TMEM132C: variants seen among roughly 807,000 people sequenced by gnomAD.
TMEM132C encodes the protein transmembrane protein 132C, also known as protein phosphatase 1, regulatory subunit 152.
Under a neutral mutation model 61.4 loss-of-function variants are expected in TMEM132C, and 29 were observed. The observed-to-expected ratio is 0.47, with a 90% CI of 0.35 to 0.64. The LOEUF (loss-of-function observed/expected upper bound fraction) is 0.64. TMEM132C is among the 30% of genes least tolerant of loss of function. The pLI is 0.00. For missense variants in TMEM132C, 1,408 were observed against 1,476.9 expected, an observed-to-expected ratio of 0.95 and a Z score of 0.76; for synonymous variants, 656 against 633.1, an observed-to-expected ratio of 1.04 and a Z score of -0.54.
intron 1 of TMEM132C, among the ~76,000 whole-genome samples, chr12:128,364,772 C>T (rs1394787767): frequency 6.6e-6 from 1 of 152,162 alleles, no homozygotes; most frequent in East Asian, 1.9e-4. Context: ...GTGGTGGCCT[C>T]TAAGGGGCTC....
At chr12:128,406,147 A>G (rs1484444111) in intron 1 of TMEM132C, among the ~76,000 whole-genome samples, 1 of 152,224 alleles carries the variant, frequency 6.6e-6, no homozygotes, top group Non-Finnish European at 1.5e-5. Context: ...CAGAATGTCC[A>G]TGGACATTGG....
rs1875604936 is a variant in TMEM132C, at chr12:128,587,826, G to A, written c.1122-28326G>A. Among the ~76,000 whole-genome samples, 3 of 152,210 alleles carry A rather than the reference G, an allele frequency of 2.0e-5. No homozygotes were observed. In the South Asian group the frequency reaches 6.2e-4, roughly 31 times the overall value. On this transcript the variant is annotated intron_variant, in intron 3 of 8. Coordinates refer to ENST00000435159, the MANE Select transcript of TMEM132C (RefSeq NM_001136103.3). ...ATGTGTGTAAGTTTGAGGAAAAAAAGTGAGTCGATTTACAGAGAAAACACA... is the reference window on the plus strand; with the variant it reads ...ATGTGTGTAAGTTTGAGGAAAAAAAATGAGTCGATTTACAGAGAAAACACA...
At chr12:128,580,591 A>G (rs1352223015) in intron 3 of TMEM132C, among the ~76,000 whole-genome samples, 1 of 152,202 alleles carries the variant, frequency 6.6e-6, no homozygotes, top group African/African-American at 2.4e-5. Context: ...TTTTCACTCC[A>G]TGCAGTGATT....
At chr12:128,380,687 A>G (rs369004967) in intron 1 of TMEM132C, among the ~76,000 whole-genome samples, 14 of 152,158 alleles carry the variant, frequency 9.2e-5, no homozygotes, top group Admixed American at 8.5e-4. Flanking sequence ...AGGCAAGAGG[A>G]TGGCTTTGAG....
intron 2 of TMEM132C, among the ~76,000 whole-genome samples, chr12:128,453,323 A>G (rs1416912903): frequency 6.6e-6 from 1 of 152,168 alleles, no homozygotes; most frequent in East Asian, 1.9e-4. Flanking sequence ...TGCAGCTGCA[A>G]TCTAAGGTGA....
chr12:128,325,800 C>G (rs1035216761), intron 1 of TMEM132C, among the ~76,000 whole-genome samples: 6 of 152,120 alleles, frequency 3.9e-5, no homozygotes, highest in Non-Finnish European at 5.9e-5. Flanking sequence ...CTGGAAGGAT[C>G]ACCAGCAACC....
chr12:128,507,398 C>CTTTTTTTTTTT (rs1872404501), intron 2 of TMEM132C, among the ~76,000 whole-genome samples: 1 of 106,544 alleles, frequency 9.4e-6, no homozygotes, highest in Non-Finnish European at 1.9e-5. Context: ...TTTTTTTTTT[C>CTTTTTTTTTTT]TTTCTTTTTT....
intron 1 of TMEM132C, among the ~76,000 whole-genome samples, chr12:128,315,511 C>T (rs1031513581): frequency 2.0e-5 from 3 of 151,998 alleles, no homozygotes; most frequent in Admixed American, 2.0e-4. Flanking sequence ...TTTCTACTCA[C>T]CAAATCCACC....
intron 5 of TMEM132C, among the ~76,000 whole-genome samples, chr12:128,673,236 C>T (rs917128121): frequency 3.9e-5 from 6 of 152,264 alleles, no homozygotes; most frequent in East Asian, 3.9e-4. Context: ...TGGAGCCCCA[C>T]GATGGCAGTA....
At chr12:128,624,734 G>T (rs145253651) in intron 4 of TMEM132C, among the ~76,000 whole-genome samples, 2 of 152,112 alleles carry the variant, frequency 1.3e-5, no homozygotes, top group African/African-American at 4.8e-5. Context: ...AAAGTATTCA[G>T]ATATTATTTG....
rs1373951367 is a variant in TMEM132C, at chr12:128,521,317, ATATGTG to A, written c.975-22638_975-22633del. ...CTTCTGTATATATGTGTATATATATATATGTGTGTGTGTGTGTGTGTGTGTGTGTAT... is the reference window on the plus strand; with the variant it reads ...CTTCTGTATATATGTGTATATATATATGTGTGTGTGTGTGTGTGTGTGTAT... On this transcript the variant is annotated intron_variant, in intron 2 of 8. Transcript: ENST00000435159. Among the ~76,000 whole-genome samples the A allele has an allele frequency of 3.2e-3, 462 of 146,066 alleles. 4 individuals are homozygous for A. The highest frequency in any genetic ancestry group is 6.9e-3 in the Middle Eastern group (2 of 288).
chr12:128,665,859 A>ACACG (rs200802847), intron 4 of TMEM132C, among the ~76,000 whole-genome samples: 5 of 144,918 alleles, frequency 3.5e-5, no homozygotes, highest in South Asian at 2.2e-4. Flanking sequence ...ACACACACAC[A>ACACG]TACACACAGG....
chr12:128,583,654 G>A (rs1367930853), intron 3 of TMEM132C, among the ~76,000 whole-genome samples: 1 of 152,164 alleles, frequency 6.6e-6, no homozygotes, highest in Non-Finnish European at 1.5e-5. Flanking sequence ...GGACAGGAGG[G>A]GAACTACTGC....
chr12:128,387,074 G>A (rs552741825), intron 1 of TMEM132C, among the ~76,000 whole-genome samples: 4 of 150,064 alleles, frequency 2.7e-5, no homozygotes, highest in South Asian at 4.2e-4. Context: ...CTAGGAGTTC[G>A]AGGCTGCAGT....
At chr12:128,395,890 C>A (rs374719796) in intron 1 of TMEM132C, among the ~76,000 whole-genome samples, 1 of 152,012 alleles carries the variant, frequency 6.6e-6, no homozygotes, top group Non-Finnish European at 1.5e-5. Context: ...ACTGAGTTAC[C>A]GGAGTCAATA....
intron 4 of TMEM132C, among the ~76,000 whole-genome samples, chr12:128,628,595 G>A (rs1954039797): frequency 6.6e-6 from 1 of 151,986 alleles, no homozygotes; most frequent in Admixed American, 6.5e-5. Context: ...TTCCCCAGTG[G>A]GGTGTCAGCT....
chr12:128,604,343 G>A (rs1335860012), intron 3 of TMEM132C, among the ~76,000 whole-genome samples: 2 of 151,856 alleles, frequency 1.3e-5, no homozygotes, highest in African/African-American at 2.4e-5. Context: ...TAGAAAGATG[G>A]ATGGATAGAT....
intron 5 of TMEM132C, among the ~76,000 whole-genome samples, chr12:128,680,034 C>G (rs556437159): frequency 4.6e-5 from 7 of 152,148 alleles, no homozygotes; most frequent in African/African-American, 1.7e-4. Context: ...GTCCAAGGAA[C>G]AAAAGAACAG....
chr12:128,472,080 C>A (rs1870971233), intron 2 of TMEM132C, among the ~76,000 whole-genome samples: 1 of 152,146 alleles, frequency 6.6e-6, no homozygotes, highest in Admixed American at 6.5e-5. Context: ...AAGAGACCTG[C>A]AGGTAAGTCC....
Sources: gnomAD v4.1 joint callset for allele counts (sites outside exome capture counted in the v4.1 genomes callset) on GRCh38, gnomAD v4.1.1 for gene constraint, MANE v1.5 for transcripts, NCBI Gene and HGNC (gene_info 2026-07-23, HGNC 2026-07-21) for gene names.